The following JAZF1 variants were observed in gnomAD, a reference collection of about 807,000 sequenced individuals.
JAZF1 encodes the protein JAZF zinc finger 1, also known as juxtaposed with another zinc finger protein 1.
In JAZF1, 8 loss-of-function variants were observed where a neutral mutation model predicts 26.4. The ratio of observed to expected loss-of-function variants is 0.30; its 90% CI spans 0.18 to 0.55. JAZF1 has a LOEUF of 0.55. Ranked by LOEUF, JAZF1 falls within the 20% of genes least tolerant of loss-of-function variation. The pLI is 0.94. For missense variants in JAZF1, 199 were observed against 322.0 expected (o/e 0.62, Z 2.92); for synonymous variants, 126 against 122.3 (o/e 1.03, Z -0.20).
intron 1 of JAZF1, 85 bp downstream of exon 1, chr7:28,180,378 G>C: frequency 8.2e-6 from 5 of 611,392 alleles, no homozygotes; most frequent in Non-Finnish European, 7.8e-6. Context: ...CCTCCCCGCC[G>C]GCCACCCCTG....
chr7:27,918,054 G>A (rs1054666259), intron 2 of JAZF1, among the ~76,000 whole-genome samples: 4 of 152,150 alleles, frequency 2.6e-5, no homozygotes, highest in African/African-American at 9.7e-5. Flanking sequence ...TGTGGGTTGA[G>A]ATAAAGCTTC....
chr7:28,047,553 A>G (rs1328946984), intron 1 of JAZF1, among the ~76,000 whole-genome samples: 1 of 152,064 alleles, frequency 6.6e-6, no homozygotes, highest in Non-Finnish European at 1.5e-5. Flanking sequence ...TTACTTTTAC[A>G]TTTTTATAGA....
chr7:28,063,325 C>A (rs191910595), intron 1 of JAZF1, among the ~76,000 whole-genome samples: 2 of 152,246 alleles, frequency 1.3e-5, no homozygotes, highest in Admixed American at 1.3e-4. Flanking sequence ...ATCATTTATT[C>A]ATCTTTCCTT....
At chr7:28,013,070 T>A (rs1239122318) in intron 1 of JAZF1, among the ~76,000 whole-genome samples, 3 of 152,110 alleles carry the variant, frequency 2.0e-5, no homozygotes, top group Non-Finnish European at 4.4e-5. Flanking sequence ...TCAGCCTGGG[T>A]AGGTTTATCA....
At chr7:27,988,421 C>T (rs1239705086) in intron 2 of JAZF1, among the ~76,000 whole-genome samples, 1 of 150,592 alleles carries the variant, frequency 6.6e-6, no homozygotes, top group East Asian at 1.9e-4. Context: ...ATTACCCAGG[C>T]TGAAGTGCAG....
At chr7:27,899,013 C>A (rs909403915) in intron 2 of JAZF1, among the ~76,000 whole-genome samples, 1 of 152,168 alleles carries the variant, frequency 6.6e-6, no homozygotes, top group East Asian at 1.9e-4. Flanking sequence ...GCTGTGGGAA[C>A]CCTGGTTAAA....
chr7:27,867,661 T>C (rs532628398), intron 3 of JAZF1, among the ~76,000 whole-genome samples: 12 of 152,346 alleles, frequency 7.9e-5, no homozygotes, highest in African/African-American at 2.9e-4. Context: ...ACATAAGCGA[T>C]TGGGAGAAAC....
intron 1 of JAZF1, among the ~76,000 whole-genome samples, chr7:28,064,167 T>G (rs969045642): frequency 1.3e-5 from 2 of 152,058 alleles, no homozygotes; most frequent in Admixed American, 6.6e-5. Context: ...ACCAAAGATA[T>G]GGAATTAACA....
At chr7:28,129,547 T>C (rs1782755691) in intron 1 of JAZF1, among the ~76,000 whole-genome samples, 1 of 152,204 alleles carries the variant, frequency 6.6e-6, no homozygotes, top group African/African-American at 2.4e-5. Flanking sequence ...TAATATGGCA[T>C]AATGAGAGAG....
intron 1 of JAZF1, among the ~76,000 whole-genome samples, chr7:28,176,370 T>C (rs559362680): frequency 6.6e-6 from 1 of 152,340 alleles, no homozygotes; most frequent in African/African-American, 2.4e-5. Flanking sequence ...TTGGGGCCTG[T>C]GTACTGCCTG....
Position 28,167,631 on chromosome 7 carries a change from A to C in JAZF1, c.115+12832T>G, listed in dbSNP as rs112405494. On this transcript the variant is annotated intron_variant, in intron 1 of 4. Coordinates refer to ENST00000283928, the MANE Select transcript of JAZF1 (RefSeq NM_175061.4). ...CCATTTTTAAATGATAAGATGCTCA[A>C]TTCACCTGCAAAAGGGTTTTTGCCA... is the stretch of plus-strand genomic sequence containing the variant. Among the ~76,000 whole-genome samples the C allele has an allele frequency of 3.7e-3, 559 of 152,278 alleles. 1 individual carries two copies. The highest frequency in any genetic ancestry group is 0.01 in the Middle Eastern group (3 of 294).
chr7:27,836,404 AAGT>A (rs1238024240), intron 4 of JAZF1, among the ~76,000 whole-genome samples: 1 of 152,144 alleles, frequency 6.6e-6, no homozygotes, highest in African/African-American at 2.4e-5. Flanking sequence ...CTTTTCTAAA[AAGT>A]CTACTCCAAA....
chr7:27,884,044 G>T (rs551168283), intron 3 of JAZF1, among the ~76,000 whole-genome samples: 1 of 152,318 alleles, frequency 6.6e-6, no homozygotes, highest in African/African-American at 2.4e-5. Flanking sequence ...CTAGTTCAAA[G>T]AGTGACTGGA....
rs533333864 is a variant in JAZF1 at position 27,834,809 on chromosome 7, G to A, written c.556-1833C>T. Among the ~76,000 whole-genome samples the A allele has an allele frequency of 3.9e-5, 6 of 152,326 alleles. No individual in the cohort carries two copies. The East Asian group carries it at 7.7e-4, about 20-fold the overall frequency. ...AGAGCAACTGCATGAGACCCCAGGC[G>A]AGAACCACCTTGTTGAACCAGGCAG... On this transcript the variant is annotated intron_variant, in intron 4 of 4. Coordinates refer to ENST00000283928, the MANE Select transcript of JAZF1 (RefSeq NM_175061.4).
At chr7:27,878,704 A>G (rs1664949696) in intron 3 of JAZF1, among the ~76,000 whole-genome samples, 2 of 152,232 alleles carry the variant, frequency 1.3e-5, no homozygotes, top group South Asian at 4.1e-4. Context: ...GACAACTTCC[A>G]TAATGAAGCC....
intron 1 of JAZF1, among the ~76,000 whole-genome samples, chr7:28,150,514 C>G (rs1392834422): frequency 2.0e-5 from 3 of 152,262 alleles, no homozygotes; most frequent in African/African-American, 7.2e-5. Context: ...CCGTATCTAA[C>G]TTGAAGAAAC....
intron 1 of JAZF1, among the ~76,000 whole-genome samples, chr7:28,032,588 T>A (rs1341447148): frequency 1.3e-5 from 2 of 152,120 alleles, no homozygotes. Context: ...GATAGCCTCT[T>A]CTGTTTGTGA....
chr7:27,844,785 G>A (rs566218329), intron 3 of JAZF1, among the ~76,000 whole-genome samples: 12 of 152,314 alleles, frequency 7.9e-5, no homozygotes, highest in African/African-American at 2.4e-4. Context: ...GCCAGCTGGG[G>A]CTCCAACGGG....
intron 1 of JAZF1, among the ~76,000 whole-genome samples, chr7:28,143,664 G>A (rs1242154980): frequency 6.6e-6 from 1 of 152,192 alleles, no homozygotes; most frequent in African/African-American, 2.4e-5. Flanking sequence ...CCTACGCCCA[G>A]TCTTTGGAGC....
Sources: allele counts gnomAD v4.1 joint callset (sites outside exome capture counted in the v4.1 genomes callset), GRCh38; gene constraint gnomAD v4.1.1; transcripts MANE v1.5; gene names NCBI Gene and HGNC (gene_info 2026-07-23, HGNC 2026-07-21).